Variants in LTBR observed in about 807,000 individuals in gnomAD.
The protein encoded by LTBR is lymphotoxin beta receptor.
LTBR carries 15 observed loss-of-function variants against 45.4 expected under a neutral mutation model. That is an observed-to-expected ratio of 0.33 (90% CI 0.22 to 0.51). The LOEUF (loss-of-function observed/expected upper bound fraction) is 0.51, where lower values mean the gene tolerates loss of function less well. Among genes scored for constraint, LTBR ranks in the 20% least tolerant of loss-of-function variants. The pLI, the probability that LTBR is intolerant of heterozygous loss-of-function variation, is 0.97. For synonymous variants in LTBR, 228 were observed against 231.0 expected (o/e 0.99, Z 0.12); for missense variants, 450 against 565.5 (o/e 0.80, Z 2.07).
chr12:6,383,994 G>A, upstream of LTBR: 1 of 1,130,298 alleles, frequency 8.8e-7, no homozygotes, highest in Non-Finnish European at 1.1e-6. Context: ...GGCTTCCGAA[G>A]AAGGGAGGAG....
At chr12:6,379,948 C>CCA (rs1555116306), upstream of LTBR, among the ~76,000 whole-genome samples, 74 of 119,238 alleles carry the variant, frequency 6.2e-4, no homozygotes, top group African/African-American at 2.0e-3. Flanking sequence ...AAAAAAAAAA[C>CCA]AAAAAAAAAA....
upstream of LTBR, among the ~76,000 whole-genome samples, chr12:6,380,706 GAA>G (rs1948974916): frequency 6.8e-6 from 1 of 146,766 alleles, no homozygotes; most frequent in Non-Finnish European, 1.5e-5. Context: ...AAAAAAAAAA[GAA>G]GAAGAAGAAG....
upstream of LTBR, among the ~76,000 whole-genome samples, chr12:6,381,075 ACT>A (rs1336049241): frequency 1.3e-5 from 2 of 152,010 alleles, no homozygotes; most frequent in East Asian, 3.9e-4. Context: ...AACAAGAAAC[ACT>A]CTAAGTCTTT....
At chr12:6,390,605 A>G in intron 9 of LTBR, 55 bp from the exon 10 acceptor site, 1 of 1,482,506 alleles carries the variant, frequency 6.7e-7, no homozygotes, top group Non-Finnish European at 9.0e-7. Context: ...TTCAAGAAGC[A>G]GCGGGCCTGA....
chr12:6,381,167 A>G (rs1342011091), upstream of LTBR, among the ~76,000 whole-genome samples: 4 of 152,218 alleles, frequency 2.6e-5, no homozygotes, highest in African/African-American at 4.8e-5. Context: ...GAGGCAGCTC[A>G]GAAAACAGCA....
chr12:6,377,333 C>G, intron 1 of LTBR: 1 of 1,393,828 alleles, frequency 7.2e-7, no homozygotes. Flanking sequence ...CTGACCCTTC[C>G]CAAGGATAAA....
At chr12:6,384,070 G>A, upstream of LTBR, 1 of 1,227,038 alleles carries the variant, frequency 8.1e-7, no homozygotes, top group Non-Finnish European at 1.0e-6. Context: ...CATCGAGGCA[G>A]ACAAGCCTGT....
At chr12:6,384,722 G>A (rs1387637080) in intron 2 of LTBR, 38 bp downstream of exon 2, 1 of 1,589,788 alleles carries the variant, frequency 6.3e-7, no homozygotes, top group Non-Finnish European at 8.6e-7. Flanking sequence ...GGCCTCGGAA[G>A]TGGGTCACGG....
At position 6,384,260 on chromosome 12, in the gene LTBR, C is replaced by G. The variant is rs1949012428; in HGVS notation, c.-99C>G. 1 of 1,416,448 alleles carries G rather than the reference C, an allele frequency of 7.1e-7. No individual in the cohort carries two copies. Among genetic ancestry groups the G allele is most frequent in the Non-Finnish European group, 9.2e-7 (1 of 1,090,770 alleles). The allele number at this position is 1,416,448 out of a possible 1,614,324, so 87.7% of individuals were successfully genotyped here. A position where few individuals can be genotyped will look rare whatever the true frequency, so the allele number is the denominator to read the frequency against. On this transcript the variant is annotated 5_prime_UTR_variant, in exon 1 of 10. Coordinates refer to ENST00000228918, the MANE Select transcript of LTBR (RefSeq NM_002342.3). ...TCGGCCCTGAGTCCCGTCCCAGGCT[C>G]TGGGCTCGGGCAGCCGCCGCCACCG...
chr12:6,385,424 C>T, intron 4 of LTBR, 45 bp downstream of exon 4: 1 of 1,606,332 alleles, frequency 6.2e-7, no homozygotes, highest in Non-Finnish European at 8.5e-7. Flanking sequence ...AGGCTGGGTG[C>T]CAGGGATCTC....
At chr12:6,377,296 T>A in intron 1 of LTBR, 1 of 1,546,848 alleles carries the variant, frequency 6.5e-7, no homozygotes, top group Non-Finnish European at 8.8e-7. Flanking sequence ...GACAGCTGGA[T>A]TTTTCTTCAT....
At position 6,388,704 on chromosome 12, in the gene LTBR, G is replaced by A; in HGVS notation, c.776-96G>A. 1.4e-6 allele frequency: 2 copies of A among 1,475,750 alleles called. No homozygotes were observed. The highest frequency in any genetic ancestry group is 1.9e-6 in the Non-Finnish European group (2 of 1,057,918). 91.4% of individuals were successfully genotyped at this position (1,475,750 alleles called of 1,614,324 possible). Reference sequence around the variant, plus strand: ...GGCTTGTTCCTCTGGGCCCCCGGGTGGTCAAGTTGCTACACATTGTGCTGG... The same window carrying A: ...GGCTTGTTCCTCTGGGCCCCCGGGTAGTCAAGTTGCTACACATTGTGCTGG... On this transcript the variant is annotated intron_variant, in intron 7 of 9. Coordinates refer to ENST00000228918, the MANE Select transcript of LTBR (RefSeq NM_002342.3). This position sits in a 1 kb window ranked among gnomAD's most constrained non-coding sequence, Gnocchi z 4.3.
At chr12:6,385,403 A>G (rs1949028377) in intron 4 of LTBR, 24 bp downstream of exon 4, 1 of 1,612,216 alleles carries the variant, frequency 6.2e-7, no homozygotes, top group African/African-American at 1.3e-5. Flanking sequence ...GAGGGGCTGG[A>G]TGTGAAAAGG....
intron 1 of LTBR, chr12:6,377,158 G>A (rs1453963867): frequency 8.7e-6 from 9 of 1,038,982 alleles, no homozygotes; most frequent in Non-Finnish European, 1.3e-5. Flanking sequence ...GGTCCAACCT[G>A]GTCTGTGGCT....
In LTBR at chr12:6,386,199, G is replaced by C. The variant is rs756329677; in HGVS notation, c.569+37G>C. The stretch of plus-strand genomic sequence containing the variant: ...CCCACCCAAGCTCCTTCCACCCTCT[G>C]AGAAGCCTCAGCTGCTAACAACCCC... On this transcript the variant is annotated intron_variant, in intron 5 of 9. Transcript: ENST00000228918. The surrounding 1 kb of genome is among the most constrained non-coding windows in gnomAD (Gnocchi z 4.1). The C allele has an allele frequency of 7.6e-6, 12 of 1,573,586 alleles. No homozygotes were observed. In the South Asian group the frequency reaches 1.3e-4, roughly 17 times the overall value.
exon 1 of LTBR, chr12:6,375,565 A>ATCT: frequency 6.5e-7 from 1 of 1,528,554 alleles, no homozygotes; most frequent in Non-Finnish European, 8.8e-7. Context: ...GATGGAAGCG[A>ATCT]CAGGAATCTC....
chr12:6,375,935 T>C lies in LTBR; in HGVS notation c.39+341T>C, dbSNP rs550870400. The C allele has an allele frequency of 9.4e-4, 937 of 999,900 alleles. 1 individual carries two copies. Among genetic ancestry groups the C allele is most frequent in the Middle Eastern group, 4.7e-3 (10 of 2,112 alleles). The allele number at this position is 999,900 out of a possible 1,614,324, so 61.9% of individuals were successfully genotyped here. On this transcript the variant is annotated intron_variant, in intron 1 of 9. Coordinates refer to the LTBR transcript ENST00000539925. ...ACAGCGAAGGACAGAGAGATAGGGATGGAGGAGGGGCACTGAGTGAGTAGA... is the reference window on the plus strand; with the variant it reads ...ACAGCGAAGGACAGAGAGATAGGGACGGAGGAGGGGCACTGAGTGAGTAGA...
chr12:6,389,077 G>A (rs898774662), intron 8 of LTBR: 3 of 447,294 alleles, frequency 6.7e-6, no homozygotes, highest in African/African-American at 4.0e-5. Context: ...ATATCAGGTG[G>A]TATAATTGCT....
At position 6,390,231 on chromosome 12, in the gene LTBR, G is replaced by A. The variant is rs201042007; in HGVS notation, c.921G>A (p.Gly307=). The A allele has an allele frequency of 1.2e-6, 2 of 1,614,080 alleles. No individual in the cohort carries two copies. The highest frequency in any genetic ancestry group is 1.7e-5 in the Admixed American group (1 of 60,016). ...ISGDVSPVST[G]LPAAPVLEAG... is the part of the protein sequence containing the mutation. ...GAGATGTTTCCCCAGTATCCACTGG[G>A]CTCCCCGCAGCCCCAGTTTTGGAGG... is the stretch of plus-strand genomic sequence containing the variant. Residue 307 remains glycine, a synonymous_variant, in exon 9 of 10, where the codon GGG becomes GGA. Transcript: ENST00000228918.
Sources: allele counts gnomAD v4.1 joint callset (sites outside exome capture counted in the v4.1 genomes callset), GRCh38; gene constraint gnomAD v4.1.1; non-coding constraint Gnocchi (gnomAD v3.1); transcripts MANE v1.5; gene names NCBI Gene and HGNC (gene_info 2026-07-23, HGNC 2026-07-21).